The following PIAS1 variants were observed in gnomAD, a reference collection of about 807,000 sequenced individuals.
PIAS1 encodes the protein protein inhibitor of activated STAT 1, also known as E3 SUMO-protein ligase PIAS1.
A neutral mutation model predicts 71.3 loss-of-function variants in PIAS1; 6 were observed. The ratio of observed to expected loss-of-function variants is 0.08; its 90% CI spans 0.05 to 0.17. The LOEUF (loss-of-function observed/expected upper bound fraction) is 0.17. Among genes scored for constraint, PIAS1 ranks in the 10% least tolerant of loss-of-function variants. The pLI, the probability that PIAS1 is intolerant of heterozygous loss-of-function variation, is 1.00. For synonymous variants in PIAS1, 303 were observed against 292.9 expected (o/e 1.03, Z -0.35); for missense variants, 555 against 793.6 (o/e 0.70, Z 3.61).
rs549837947 is a variant in PIAS1 at position 68,093,184 on chromosome 15, G to C, written c.469+6434G>C. On this transcript the variant is annotated intron_variant, in intron 2 of 13. Transcript: ENST00000249636. ...TTGGCATTTTTTAAATAGCAACTTG[G>C]CTTTATCAGGTCTTTCCCAGAGCAT... 7.2e-4 allele frequency among the ~76,000 whole-genome samples: 110 copies of C among 152,172 alleles called. 1 individual carries two copies. Among genetic ancestry groups the C allele is most frequent in the Admixed American group, 2.9e-3 (44 of 15,272 alleles).
At chr15:68,143,093 C>T (rs1031475920) in intron 4 of PIAS1, among the ~76,000 whole-genome samples, 2 of 151,778 alleles carry the variant, frequency 1.3e-5, no homozygotes, top group Admixed American at 6.6e-5. Context: ...ATATATCTCC[C>T]TTATATAAAC....
intron 7 of PIAS1, among the ~76,000 whole-genome samples, chr15:68,155,938 C>T (rs1367108757): frequency 6.6e-6 from 1 of 152,208 alleles, no homozygotes; most frequent in Admixed American, 6.5e-5. Flanking sequence ...CATGAATTAC[C>T]TAAACCACCC....
chr15:68,092,893 T>C (rs907611440), intron 2 of PIAS1, among the ~76,000 whole-genome samples: 3 of 152,242 alleles, frequency 2.0e-5, no homozygotes, highest in East Asian at 1.9e-4. Context: ...TATTTTGTTA[T>C]AGCTGCCCAA....
At chr15:68,158,034 TCTC>T (rs1251857337) in intron 7 of PIAS1, among the ~76,000 whole-genome samples, 1 of 152,190 alleles carries the variant, frequency 6.6e-6, no homozygotes. Context: ...CCTTTTTCTA[TCTC>T]CTCTGGTAGC....
At chr15:68,124,137 A>G (rs1308614098) in intron 2 of PIAS1, among the ~76,000 whole-genome samples, 1 of 152,156 alleles carries the variant, frequency 6.6e-6, no homozygotes, top group Non-Finnish European at 1.5e-5. Flanking sequence ...CTTTATTGAT[A>G]ATGATGGTGG....
intron 8 of PIAS1, among the ~76,000 whole-genome samples, chr15:68,169,546 G>T (rs181074077): frequency 6.6e-5 from 10 of 152,290 alleles, no homozygotes; most frequent in Admixed American, 3.9e-4. Flanking sequence ...GGTGGCACCT[G>T]CCTGTAATCC....
At chr15:68,108,848 A>G (rs2092496655) in intron 2 of PIAS1, among the ~76,000 whole-genome samples, 1 of 152,106 alleles carries the variant, frequency 6.6e-6, no homozygotes, top group Non-Finnish European at 1.5e-5. Context: ...GAATCTGACC[A>G]TTCTCATGAC....
At chr15:68,057,877 CCTT>C (rs759469157) in intron 1 of PIAS1, among the ~76,000 whole-genome samples, 65 of 152,316 alleles carry the variant, frequency 4.3e-4, no homozygotes, top group Admixed American at 1.3e-4. Flanking sequence ...TGAAATACCT[CCTT>C]CTTTTCATCC....
At chr15:68,101,332 G>GT (rs35754942) in intron 2 of PIAS1, among the ~76,000 whole-genome samples, 17 of 137,332 alleles carry the variant, frequency 1.2e-4, no homozygotes, top group South Asian at 2.3e-4. Context: ...TAATTGCAGT[G>GT]TTTTTTTTTT....
intron 13 of PIAS1, chr15:68,184,319 C>G (rs1209674684): frequency 6.6e-6 from 1 of 152,168 alleles, no homozygotes; most frequent in East Asian, 1.9e-4. Flanking sequence ...AGAACAAGAA[C>G]AAAGTGATAG....
At chr15:68,180,688 A>G (rs1439486109) in intron 11 of PIAS1, among the ~76,000 whole-genome samples, 1 of 152,210 alleles carries the variant, frequency 6.6e-6, no homozygotes, top group African/African-American at 2.4e-5. Flanking sequence ...ATACTAAACA[A>G]TACCCAGTTT....
intron 7 of PIAS1, among the ~76,000 whole-genome samples, chr15:68,157,139 T>G (rs779591413): frequency 8.5e-5 from 13 of 152,186 alleles, no homozygotes; most frequent in African/African-American, 2.9e-4. Flanking sequence ...GAAAACTGTG[T>G]TGAAAAGATC....
rs776143896 is a variant in PIAS1 at position 68,086,667 on chromosome 15, T to C, written c.386T>C (p.Leu129Pro). Residue 129 changes from leucine (L) to proline (P), a missense_variant, in exon 2 of 14, where the codon CTT (leucine) becomes CCT (proline). Leu to Pro is a moderately conservative substitution (Grantham distance 98, BLOSUM62 -3). This residue lies in a region of PIAS1 where 134 missense variants were observed against 203.4 expected (regional missense o/e 0.66). Coordinates refer to ENST00000249636, the MANE Select transcript of PIAS1 (RefSeq NM_016166.3). The surrounding 1 kb of genome is among the most constrained non-coding windows in gnomAD (Gnocchi z 7.2). The part of the protein sequence containing the change: ...ELELPHLTSA[L>P]HPVHPDIKLQ... ...GAACTCCCACATCTTACATCAGCTC[T>C]TCACCCAGTCCATCCGGATATAAAA... The C allele has an allele frequency of 4.3e-6, 7 of 1,612,846 alleles. No homozygotes were observed. Among genetic ancestry groups the C allele is most frequent in the Admixed American group, 1.7e-5 (1 of 59,984 alleles).
intron 2 of PIAS1, among the ~76,000 whole-genome samples, chr15:68,087,064 G>A (rs2140982735): frequency 6.6e-6 from 1 of 152,252 alleles, no homozygotes; most frequent in East Asian, 1.9e-4. Context: ...AAAACCAAAT[G>A]AATCACTACA....
At chr15:68,064,552 T>C (rs2091995909) in intron 1 of PIAS1, among the ~76,000 whole-genome samples, 1 of 152,252 alleles carries the variant, frequency 6.6e-6, no homozygotes. Flanking sequence ...GTGGGAAATA[T>C]TCATTGATAC....
At chr15:68,135,244 A>AC (rs1567058189) in intron 2 of PIAS1, among the ~76,000 whole-genome samples, 1 of 20,522 alleles carries the variant, frequency 4.9e-5, no homozygotes, top group South Asian at 1.4e-3. Flanking sequence ...GCGGGGGCTG[A>AC]CCCCCCCACC....
At chr15:68,101,131 G>A (rs527270504) in intron 2 of PIAS1, among the ~76,000 whole-genome samples, 2 of 152,084 alleles carry the variant, frequency 1.3e-5, no homozygotes, top group South Asian at 4.1e-4. Flanking sequence ...AACTCCTGGA[G>A]TCAAGTGATC....
intron 1 of PIAS1, among the ~76,000 whole-genome samples, chr15:68,076,733 CA>C (rs1249764908): frequency 6.6e-6 from 1 of 152,050 alleles, no homozygotes; most frequent in African/African-American, 2.4e-5. Context: ...TTATATATGA[CA>C]CGGAACTGGA....
intron 7 of PIAS1, among the ~76,000 whole-genome samples, chr15:68,164,235 CTT>C (rs1194262824): frequency 3.3e-5 from 5 of 151,978 alleles, no homozygotes; most frequent in Admixed American, 2.6e-4. Flanking sequence ...AAATAGGACT[CTT>C]TTCATAATTT....
Sources: allele counts gnomAD v4.1 joint callset (sites outside exome capture counted in the v4.1 genomes callset), GRCh38; gene constraint gnomAD v4.1.1; regional missense constraint gnomAD v4.1.1; non-coding constraint Gnocchi (gnomAD v3.1); transcripts MANE v1.5; gene names NCBI Gene and HGNC (gene_info 2026-07-23, HGNC 2026-07-21).